The following SOX5 variants were observed in gnomAD, a reference collection of about 807,000 sequenced individuals.
SOX5 encodes the protein transcription factor SOX-5.
Under a neutral mutation model 92.0 loss-of-function variants are expected in SOX5, and 9 were observed. That is an observed-to-expected ratio of 0.10 (90% CI 0.06 to 0.17). The LOEUF is 0.17. Among genes scored for constraint, SOX5 ranks in the 10% least tolerant of loss-of-function variants. The pLI is 1.00. For synonymous variants in SOX5, 344 were observed against 336.3 expected, an observed-to-expected ratio of 1.02 and a Z score of -0.25; for missense variants, 642 against 944.5, an observed-to-expected ratio of 0.68 and a Z score of 4.20.
At chr12:24,386,605 C>T (rs1405655622) in intron 1 of SOX5, among the ~76,000 whole-genome samples, 1 of 152,098 alleles carries the variant, frequency 6.6e-6, no homozygotes, top group East Asian at 1.9e-4. Flanking sequence ...AATCTGTACT[C>T]CTGGGTACTT....
At chr12:24,198,013 C>T (rs556318887) in intron 4 of SOX5, among the ~76,000 whole-genome samples, 95 of 152,284 alleles carry the variant, frequency 6.2e-4, no homozygotes, top group African/African-American at 2.2e-3. Context: ...AAGGGCTGCA[C>T]TGAGAACTCT....
chr12:23,801,643 T>C (rs745765699), intron 3 of SOX5, among the ~76,000 whole-genome samples: 5 of 152,166 alleles, frequency 3.3e-5, no homozygotes, highest in Non-Finnish European at 7.4e-5. Context: ...GTATTATTGT[T>C]CCTAGGATTT....
intron 8 of SOX5, among the ~76,000 whole-genome samples, chr12:23,616,060 A>G (rs1295418224): frequency 1.3e-5 from 2 of 152,232 alleles, no homozygotes; most frequent in Non-Finnish European, 2.9e-5. Flanking sequence ...AAATCCTAAC[A>G]GAGGAGAGGT....
At chr12:23,990,781 C>T (rs1569424691) in intron 4 of SOX5, among the ~76,000 whole-genome samples, 1 of 152,044 alleles carries the variant, frequency 6.6e-6, no homozygotes, top group East Asian at 1.9e-4. Flanking sequence ...TGTTAAGCAC[C>T]TACCCATGCC....
chr12:23,596,233 C>T (rs1171015424), intron 9 of SOX5, among the ~76,000 whole-genome samples: 1 of 152,140 alleles, frequency 6.6e-6, no homozygotes, highest in Admixed American at 6.5e-5. Context: ...GTATATCGTT[C>T]TCTTTCTGCT....
intron 3 of SOX5, among the ~76,000 whole-genome samples, chr12:24,274,014 G>A (rs1403549172): frequency 1.3e-5 from 2 of 152,018 alleles, no homozygotes; most frequent in Admixed American, 6.6e-5. Flanking sequence ...AATGGTTGAG[G>A]CTTAATTTAA....
chr12:23,939,728 A>G (rs1366442724), intron 1 of SOX5, among the ~76,000 whole-genome samples: 1 of 150,812 alleles, frequency 6.6e-6, no homozygotes, highest in Non-Finnish European at 1.5e-5. Context: ...CAATATATGA[A>G]GCTTGTTCTC....
chr12:23,631,407 C>T (rs528061580), intron 8 of SOX5, among the ~76,000 whole-genome samples: 2 of 152,086 alleles, frequency 1.3e-5, no homozygotes, highest in African/African-American at 4.8e-5. Flanking sequence ...TCTTCTTATC[C>T]ACAGCCAAAA....
At chr12:23,780,063 T>C (rs1364173817) in intron 3 of SOX5, among the ~76,000 whole-genome samples, 1 of 150,738 alleles carries the variant, frequency 6.6e-6, no homozygotes, top group Non-Finnish European at 1.5e-5. Context: ...CTAATCAATG[T>C]TGTCTTGACA....
intron 1 of SOX5, among the ~76,000 whole-genome samples, chr12:24,465,619 C>G (rs1435549056): frequency 6.6e-6 from 1 of 152,174 alleles, no homozygotes; most frequent in Non-Finnish European, 1.5e-5. Flanking sequence ...TACAGGCAGC[C>G]TGCAAATTTT....
intron 9 of SOX5, chr12:23,604,166 C>A: frequency 2.1e-6 from 1 of 480,850 alleles, no homozygotes; most frequent in South Asian, 3.1e-5. Flanking sequence ...CTCACATTTT[C>A]TACTATAGTT....
intron 3 of SOX5, among the ~76,000 whole-genome samples, chr12:23,763,572 G>A (rs2094622232): frequency 6.6e-6 from 1 of 152,074 alleles, no homozygotes; most frequent in African/African-American, 2.4e-5. Context: ...ATGAAGGACT[G>A]GGGAGGTGCC....
intron 4 of SOX5, among the ~76,000 whole-genome samples, chr12:24,190,110 G>A (rs182980377): frequency 5.3e-5 from 8 of 152,186 alleles, no homozygotes; most frequent in Non-Finnish European, 1.5e-5. Flanking sequence ...TTTAGGCAAA[G>A]GTGAAAAATT....
At chr12:24,133,433 G>T (rs1019197244) in intron 4 of SOX5, among the ~76,000 whole-genome samples, 2 of 152,168 alleles carry the variant, frequency 1.3e-5, no homozygotes, top group East Asian at 3.9e-4. Flanking sequence ...ATCAGATAGG[G>T]TGAGGAACTG....
At chr12:24,101,511 A>G (rs1338552578) in intron 4 of SOX5, among the ~76,000 whole-genome samples, 1 of 152,164 alleles carries the variant, frequency 6.6e-6, no homozygotes, top group Non-Finnish European at 1.5e-5. Context: ...AGTCACCACA[A>G]GAGCAGAACT....
intron 3 of SOX5, among the ~76,000 whole-genome samples, chr12:24,240,938 T>C (rs1176836490): frequency 6.6e-6 from 1 of 152,210 alleles, no homozygotes; most frequent in Non-Finnish European, 1.5e-5. Flanking sequence ...ACTCAAATAT[T>C]CACAGAGAAC....
chr12:23,747,887 T>C (rs1269615278), intron 4 of SOX5, among the ~76,000 whole-genome samples: 1 of 151,290 alleles, frequency 6.6e-6, no homozygotes, highest in African/African-American at 2.4e-5. Context: ...TGTTTTTAAG[T>C]GTTGAGGATA....
chr12:24,053,181 C>A (rs1372737773), intron 4 of SOX5, among the ~76,000 whole-genome samples: 3 of 145,340 alleles, frequency 2.1e-5, no homozygotes, highest in African/African-American at 5.1e-5. Flanking sequence ...ACTGCACGCC[C>A]CCCCCCTTTT....
intron 3 of SOX5, among the ~76,000 whole-genome samples, chr12:23,832,729 G>A (rs2096348373): frequency 6.6e-6 from 1 of 151,180 alleles, no homozygotes; most frequent in African/African-American, 2.4e-5. Flanking sequence ...AATTATTATA[G>A]CAAATTAAAG....
Sources: allele counts gnomAD v4.1 joint callset (sites outside exome capture counted in the v4.1 genomes callset), GRCh38; gene constraint gnomAD v4.1.1; transcripts MANE v1.5; gene names NCBI Gene and HGNC (gene_info 2026-07-23, HGNC 2026-07-21).